STARD9: variants seen among roughly 807,000 people sequenced by gnomAD.
The protein encoded by STARD9 is StAR related lipid transfer domain containing 9.
Under a neutral mutation model 399.8 loss-of-function variants are expected in STARD9, and 346 were observed. The ratio of observed to expected loss-of-function variants is 0.87; its 90% CI spans 0.79 to 0.95. STARD9 has a LOEUF of 0.95. Among genes scored for constraint, STARD9 ranks in the 40% least tolerant of loss-of-function variants. STARD9 has a pLI of 0.00. For synonymous variants in STARD9, 2,203 were observed against 2,143.5 expected, an observed-to-expected ratio of 1.03 and a Z score of -0.77; for missense variants, 5,832 against 5,667.5, an observed-to-expected ratio of 1.03 and a Z score of -0.93.
At chr15:42,597,791 C>A (rs1479879511) in intron 3 of STARD9, among the ~76,000 whole-genome samples, 1 of 152,088 alleles carries the variant, frequency 6.6e-6, no homozygotes, top group Non-Finnish European at 1.5e-5. Flanking sequence ...CCCGACTTAG[C>A]CTCCCAAAAT....
In STARD9 at chr15:42,627,755, A is replaced by G. The variant is rs117964294; in HGVS notation, c.235-7101A>G. On this transcript the variant is annotated intron_variant, in intron 3 of 32. Transcript: ENST00000290607. ...TTCTATCCATGTTTTTGTAAATGAC[A>G]GGGTTTCACTGTTTCTATGGCTGAG... 6.6e-4 allele frequency among the ~76,000 whole-genome samples: 101 copies of G among 152,326 alleles called. 1 individual carries two copies. In the East Asian group the frequency reaches 0.019, roughly 29 times the overall value.
intron 26 of STARD9, among the ~76,000 whole-genome samples, chr15:42,699,903 C>T (rs553352206): frequency 1.3e-5 from 2 of 152,152 alleles, no homozygotes; most frequent in South Asian, 4.2e-4. Context: ...GACGGGTTTT[C>T]ACCATGTTAG....
At chr15:42,659,410 A>G (rs777944230) in intron 9 of STARD9, among the ~76,000 whole-genome samples, 2 of 152,240 alleles carry the variant, frequency 1.3e-5, no homozygotes, top group Admixed American at 6.5e-5. Context: ...GGCTAAAATT[A>G]TACTAAATAT....
intron 3 of STARD9, among the ~76,000 whole-genome samples, chr15:42,594,833 A>T (rs1329082639): frequency 1.3e-5 from 2 of 152,180 alleles, no homozygotes; most frequent in African/African-American, 4.8e-5. Flanking sequence ...TCTGTAGTCA[A>T]CTGGGATGAG....
chr15:42,647,047 A>G (rs1595701152), intron 7 of STARD9, among the ~76,000 whole-genome samples: 1 of 152,344 alleles, frequency 6.6e-6, no homozygotes, highest in East Asian at 1.9e-4. Flanking sequence ...TTGGTGTACC[A>G]ACACAATTAT....
chr15:42,614,078 T>G (rs896871601), intron 3 of STARD9, among the ~76,000 whole-genome samples: 2 of 152,000 alleles, frequency 1.3e-5, no homozygotes, highest in African/African-American at 4.8e-5. Flanking sequence ...TTTGGAAGGC[T>G]GAGGCGGGCA....
intron 3 of STARD9, among the ~76,000 whole-genome samples, chr15:42,608,300 C>T (rs777450847): frequency 5.3e-5 from 8 of 152,078 alleles, no homozygotes; most frequent in Non-Finnish European, 8.8e-5. Flanking sequence ...GAAGACAGGA[C>T]CCTGCCAGCC....
At chr15:42,647,795 T>C (rs1214179261) in intron 7 of STARD9, among the ~76,000 whole-genome samples, 1 of 152,236 alleles carries the variant, frequency 6.6e-6, no homozygotes, top group Non-Finnish European at 1.5e-5. Flanking sequence ...TTTTCCTGTT[T>C]TATGTTCCTT....
chr15:42,586,829 CT>C (rs2058286052), intron 3 of STARD9, among the ~76,000 whole-genome samples: 1 of 148,716 alleles, frequency 6.7e-6, no homozygotes, highest in Non-Finnish European at 1.5e-5. Context: ...ATATTTCAGT[CT>C]TTCATAAAAC....
chr15:42,703,487 C>A (rs2061011225), intron 26 of STARD9, among the ~76,000 whole-genome samples: 1 of 151,632 alleles, frequency 6.6e-6, no homozygotes, highest in African/African-American at 2.4e-5. Flanking sequence ...CCTCAGCCTC[C>A]CAAGTAGCTG....
chr15:42,592,720 A>G (rs913249968), intron 3 of STARD9, among the ~76,000 whole-genome samples: 1 of 152,188 alleles, frequency 6.6e-6, no homozygotes, highest in Non-Finnish European at 1.5e-5. Flanking sequence ...CTGGGATTAC[A>G]GGCGTGAGCC....
chr15:42,668,766 C>G (rs2060150403), intron 15 of STARD9, among the ~76,000 whole-genome samples: 1 of 151,898 alleles, frequency 6.6e-6, no homozygotes, highest in Non-Finnish European at 1.5e-5. Context: ...TAAAAGGGTT[C>G]CCAAGTATGG....
At chr15:42,601,375 T>C (rs1399870777) in intron 3 of STARD9, among the ~76,000 whole-genome samples, 1 of 152,130 alleles carries the variant, frequency 6.6e-6, no homozygotes, top group Non-Finnish European at 1.5e-5. Flanking sequence ...CAGTGAGCTA[T>C]TGGGTACACC....
intron 26 of STARD9, among the ~76,000 whole-genome samples, chr15:42,711,024 C>G (rs1418606770): frequency 2.0e-5 from 3 of 151,478 alleles, no homozygotes; most frequent in Admixed American, 6.6e-5. Context: ...GTCACCTGGA[C>G]TGGACTGCTG....
Position 42,694,693 on chromosome 15 carries a change from G to A in STARD9, c.12930G>A (p.Gln4310=). 2.0e-6 allele frequency: 3 copies of A among 1,537,222 alleles called. No homozygotes were observed. The highest frequency in any genetic ancestry group is 2.4e-5 in the East Asian group (1 of 40,916). Residue 4310 remains glutamine, a synonymous_variant, in exon 24 of 33, where the codon CAG becomes CAA. Coordinates refer to ENST00000290607, the MANE Select transcript of STARD9 (RefSeq NM_020759.3). ...DLPSRRREYL[Q]QLRKDVVETT... ...CCAGCAGACGCCGAGAATACCTGCAGCAACTGAGGAAGGATGTTGTGGAGA... is the reference window on the plus strand; with the variant it reads ...CCAGCAGACGCCGAGAATACCTGCAACAACTGAGGAAGGATGTTGTGGAGA...
At chr15:42,588,617 G>A (rs1246194827) in intron 3 of STARD9, among the ~76,000 whole-genome samples, 1 of 151,918 alleles carries the variant, frequency 6.6e-6, no homozygotes, top group Non-Finnish European at 1.5e-5. Flanking sequence ...ACAATCAGAG[G>A]CCCTCATTGC....
intron 26 of STARD9, among the ~76,000 whole-genome samples, chr15:42,707,020 C>G (rs1040372242): frequency 3.3e-5 from 5 of 151,994 alleles, no homozygotes; most frequent in Admixed American, 2.0e-4. Context: ...AATTTTGCAT[C>G]CATATTTGAA....
At chr15:42,661,416 C>CT (rs1480930285) in intron 10 of STARD9, among the ~76,000 whole-genome samples, 191 bp downstream of exon 10, 1 of 152,140 alleles carries the variant, frequency 6.6e-6, no homozygotes, top group Non-Finnish European at 1.5e-5. Context: ...GATTCTCAAT[C>CT]TTGGTTGTAC....
Position 42,693,928 on chromosome 15 carries a change from G to A in STARD9, c.12350G>A (p.Cys4117Tyr), listed in dbSNP as rs922132326. ...GCCTGCCAACCTGAGGAGTTACTGT[G>A]CTTCAGTTGCCAGATGTGCATGGCC... ...PQACQPEELL[C>Y]FSCQMCMAPE... The change falls in exon 23 of 33, where the codon TGC (cysteine) becomes TAC (tyrosine). Residue 4117 changes from cysteine to tyrosine, a missense_variant. Cys to Tyr is a radical substitution (Grantham distance 194). Around this residue, in one of 2 missense-constraint regions of STARD9, gnomAD observed 5,828 missense variants for 5,651.1 expected, o/e 1.03. Transcript: ENST00000290607. 4 of 1,508,668 alleles carry A rather than the reference G, an allele frequency of 2.7e-6. No individual in the cohort carries two copies. Among genetic ancestry groups the A allele is most frequent in the Non-Finnish European group, 2.7e-6 (3 of 1,131,562 alleles). 93.5% of individuals were successfully genotyped at this position (1,508,668 alleles called of 1,614,324 possible). A position where few individuals can be genotyped will look rare whatever the true frequency, so the allele number is the denominator to read the frequency against.
Sources: allele counts gnomAD v4.1 joint callset (sites outside exome capture counted in the v4.1 genomes callset), GRCh38; gene constraint gnomAD v4.1.1; regional missense constraint gnomAD v4.1.1; transcripts MANE v1.5; gene names NCBI Gene and HGNC (gene_info 2026-07-23, HGNC 2026-07-21).